CA8: variants seen among roughly 807,000 people sequenced by gnomAD.
CA8 encodes the protein carbonic anhydrase 8 (inactive), also known as carbonic anhydrase-related protein.
CA8 carries 22 observed loss-of-function variants against 41.4 expected under a neutral mutation model. The ratio of observed to expected loss-of-function variants is 0.53; its 90% confidence interval spans 0.38 to 0.76. The LOEUF (loss-of-function observed/expected upper bound fraction) is 0.76, where lower values mean the gene tolerates loss of function less well. Ranked by LOEUF, CA8 falls within the 30% of genes least tolerant of loss-of-function variation. The pLI is 0.00. For missense variants in CA8, 270 were observed against 352.8 expected (o/e 0.77, Z 1.88); for synonymous variants, 121 against 130.6 (o/e 0.93, Z 0.50).
chr8:60,219,929 T>TAAAAAAAAAAAAAAAAAAAAAAAAAAAA (rs546162939), intron 7 of CA8, among the ~76,000 whole-genome samples: 1 of 82,034 alleles, frequency 1.2e-5, no homozygotes, highest in African/African-American at 4.8e-5. Flanking sequence ...AATCTTAACT[T>TAAAAAAAAAAAAAAAAAAAAAAAAAAAA]AAAAAAAAAA....
intron 3 of CA8, among the ~76,000 whole-genome samples, chr8:60,244,406 G>A (rs190689680): frequency 1.2e-3 from 177 of 152,180 alleles, no homozygotes; most frequent in Non-Finnish European, 1.9e-3. Context: ...TCCTTCACAC[G>A]CAATGCATTC....
At chr8:60,274,775 C>A (rs946318609) in intron 2 of CA8, among the ~76,000 whole-genome samples, 2 of 152,054 alleles carry the variant, frequency 1.3e-5, no homozygotes, top group Non-Finnish European at 2.9e-5. Context: ...AGAACTAGGA[C>A]AAATAAATTT....
intron 8 of CA8, among the ~76,000 whole-genome samples, chr8:60,197,367 T>C (rs1421095339): frequency 6.6e-6 from 1 of 151,798 alleles, no homozygotes; most frequent in Non-Finnish European, 1.5e-5. Flanking sequence ...GACACATATA[T>C]AAAGAGAGGT....
rs1803703326 is a variant in CA8, at chr8:60,260,705, C to CT, written c.417+5219dup. On this transcript the variant is annotated intron_variant, in intron 3 of 8. Coordinates refer to ENST00000317995, the MANE Select transcript of CA8 (RefSeq NM_004056.6). ...TAGATAGGAGTTTGGACTAGATGAT[C>CT]TTGAAAGTTCCTTTTAAATCTATAT... is the stretch of plus-strand genomic sequence containing the variant. Among the ~76,000 whole-genome samples, 6 of 152,176 alleles carry CT rather than the reference C, an allele frequency of 3.9e-5. No homozygotes were observed. The South Asian group carries it at 1.2e-3, about 32-fold the overall frequency.
chr8:60,245,303 G>A (rs537784126), intron 3 of CA8, among the ~76,000 whole-genome samples: 2 of 152,206 alleles, frequency 1.3e-5, no homozygotes, highest in East Asian at 3.9e-4. Flanking sequence ...TTAAGTGGAG[G>A]AATTTTTCTT....
intron 3 of CA8, among the ~76,000 whole-genome samples, chr8:60,264,215 A>T (rs1359677295): frequency 6.6e-6 from 1 of 152,226 alleles, no homozygotes; most frequent in Non-Finnish European, 1.5e-5. Flanking sequence ...CGTTTCCTAC[A>T]GCTTTTAAGT....
intron 7 of CA8, among the ~76,000 whole-genome samples, chr8:60,217,805 G>A (rs1807074150): frequency 1.3e-5 from 2 of 152,174 alleles, no homozygotes. Context: ...TATGTCATCA[G>A]CCACCAGGTT....
chr8:60,197,800 G>A (rs1306743477), intron 8 of CA8, among the ~76,000 whole-genome samples: 1 of 152,172 alleles, frequency 6.6e-6, no homozygotes, highest in Non-Finnish European at 1.5e-5. Context: ...AATCAAAGGT[G>A]ACCTTTGCTA....
intron 8 of CA8, among the ~76,000 whole-genome samples, chr8:60,194,477 A>T (rs548124014): frequency 6.6e-6 from 1 of 152,118 alleles, no homozygotes; most frequent in South Asian, 2.1e-4. Context: ...CTGCCAGTGT[A>T]TGGGAGGATG....
chr8:60,251,248 G>A (rs1367487219), intron 3 of CA8, among the ~76,000 whole-genome samples: 1 of 152,198 alleles, frequency 6.6e-6, no homozygotes, highest in African/African-American at 2.4e-5. Flanking sequence ...AGTCCCCTAG[G>A]TGGGAGAAGG....
intron 3 of CA8, among the ~76,000 whole-genome samples, chr8:60,238,487 G>A (rs1807909478): frequency 6.6e-6 from 1 of 151,910 alleles, no homozygotes; most frequent in Non-Finnish European, 1.5e-5. Flanking sequence ...TTCTACAACT[G>A]ACATCAACCC....
intron 3 of CA8, among the ~76,000 whole-genome samples, chr8:60,250,948 T>C (rs931983284): frequency 1.3e-5 from 2 of 152,162 alleles, no homozygotes; most frequent in Non-Finnish European, 2.9e-5. Context: ...CCAGCCAAAA[T>C]AGACTATTAT....
At chr8:60,197,990 G>GA (rs1170080975) in intron 8 of CA8, among the ~76,000 whole-genome samples, 3 of 152,142 alleles carry the variant, frequency 2.0e-5, no homozygotes, top group African/African-American at 7.2e-5. Flanking sequence ...AATATGTTAT[G>GA]AAAAAATGAA....
intron 8 of CA8, among the ~76,000 whole-genome samples, chr8:60,202,223 T>G (rs1316495998): frequency 6.6e-6 from 1 of 151,686 alleles, no homozygotes; most frequent in Non-Finnish European, 1.5e-5. Flanking sequence ...TTTTTTTTTT[T>G]TTGTATTTTT....
intron 4 of CA8, among the ~76,000 whole-genome samples, chr8:60,228,822 C>G (rs1807535855): frequency 6.6e-6 from 1 of 152,188 alleles, no homozygotes; most frequent in Non-Finnish European, 1.5e-5. Flanking sequence ...CTAGCTCCTT[C>G]TATCTATAAA....
At chr8:60,272,626 C>CTA (rs1171194868) in intron 2 of CA8, among the ~76,000 whole-genome samples, 1 of 152,168 alleles carries the variant, frequency 6.6e-6, no homozygotes, top group Non-Finnish European at 1.5e-5. Flanking sequence ...TATCCAAATG[C>CTA]TATTCATCCA....
At position 60,216,286 on chromosome 8, in the gene CA8, T is replaced by C. The variant is rs1563530349; in HGVS notation, c.738+6363A>G. Among the ~76,000 whole-genome samples the C allele has an allele frequency of 2.6e-5, 4 of 152,060 alleles. No individual in the cohort carries two copies. In the South Asian group the frequency reaches 8.3e-4, roughly 32 times the overall value. On this transcript the variant is annotated intron_variant, in intron 7 of 8. Transcript: ENST00000317995. ...AAACATTCAAGGACAGACTGACTTA[T>C]ATTCCCCTAAGATTATAATTTTTTC...
intron 3 of CA8, among the ~76,000 whole-genome samples, chr8:60,236,283 T>G (rs1349733613): frequency 6.6e-6 from 1 of 152,216 alleles, no homozygotes; most frequent in Non-Finnish European, 1.5e-5. Flanking sequence ...TTTCCAGCCT[T>G]GAAACTCAAG....
chr8:60,227,334 A>G (rs1807475848), intron 4 of CA8, among the ~76,000 whole-genome samples: 1 of 152,132 alleles, frequency 6.6e-6, no homozygotes, highest in Admixed American at 6.5e-5. Flanking sequence ...GTCCATCTGA[A>G]TGTCCTTTTT....
Sources: gnomAD v4.1 joint callset for allele counts (sites outside exome capture counted in the v4.1 genomes callset) on GRCh38, gnomAD v4.1.1 for gene constraint, MANE v1.5 for transcripts, NCBI Gene and HGNC (gene_info 2026-07-23, HGNC 2026-07-21) for gene names.